SFT2D2: variants seen among roughly 807,000 people sequenced by gnomAD.
The protein encoded by SFT2D2 is vesicle transport protein SFT2B.
Under a neutral mutation model 27.4 loss-of-function variants are expected in SFT2D2, and 21 were observed. That is an observed-to-expected ratio of 0.77 (90% CI 0.54 to 1.10). The LOEUF is 1.10. Ranked by LOEUF, SFT2D2 falls within the 50% of genes least tolerant of loss-of-function variation. The pLI is 0.00. For missense variants in SFT2D2, 187 were observed against 194.2 expected, an observed-to-expected ratio of 0.96 and a Z score of 0.22; for synonymous variants, 72 against 71.7, an observed-to-expected ratio of 1.00 and a Z score of -0.02.
chr1:168,249,520 G>A lies in SFT2D2; in HGVS notation c.*6980G>A, dbSNP rs1647904799. 1 of 152,876 alleles carries A rather than the reference G, an allele frequency of 6.5e-6. No individual in the cohort carries two copies. Among genetic ancestry groups the A allele is most frequent in the African/African-American group, 2.4e-5 (1 of 41,462 alleles). The allele number at this position is 152,876 out of a possible 1,614,324, so 9.5% of individuals were successfully genotyped here. On this transcript the variant is annotated 3_prime_UTR_variant, in exon 8 of 8. Coordinates refer to ENST00000271375, the MANE Select transcript of SFT2D2 (RefSeq NM_199344.3). ...CAAAGTGCTGGGATTACAGGCGTGA[G>A]CCACCATGCCCAGCCCCATGTCCTT...
Position 168,231,602 on chromosome 1 carries a change from T to C in SFT2D2, c.150+2T>C. The stretch of plus-strand genomic sequence containing the variant: ...ATAGGAATTCTCTGCTCACTGCTGG[T>C]AAGATTTCCCTTCCTCCTCTGTCTT... On this transcript the variant is annotated splice_donor_variant, in intron 2 of 7. Coordinates refer to ENST00000271375, the MANE Select transcript of SFT2D2 (RefSeq NM_199344.3). LOFTEE classifies it high-confidence loss of function. The C allele has an allele frequency of 6.2e-7, 1 of 1,613,326 alleles. No individual in the cohort carries two copies. The highest frequency in any genetic ancestry group is 8.5e-7 in the Non-Finnish European group (1 of 1,179,480).
At chr1:168,227,814 T>G (rs1313187929) in intron 1 of SFT2D2, among the ~76,000 whole-genome samples, 1 of 152,202 alleles carries the variant, frequency 6.6e-6, no homozygotes, top group East Asian at 1.9e-4. Flanking sequence ...TGCAGACTCT[T>G]GAGGGGTGGA....
chr1:168,235,692 C>T (rs1472126456), intron 4 of SFT2D2, among the ~76,000 whole-genome samples: 1 of 152,204 alleles, frequency 6.6e-6, no homozygotes, highest in Admixed American at 6.5e-5. Flanking sequence ...CCTGCTCTGA[C>T]AACATTGTCT....
chr1:168,246,346 G>T lies in SFT2D2; in HGVS notation c.*3806G>T. On this transcript the variant is annotated 3_prime_UTR_variant, in exon 8 of 8. Coordinates refer to ENST00000271375, the MANE Select transcript of SFT2D2 (RefSeq NM_199344.3). Reference sequence around the variant, plus strand: ...TGAAGCAACATATTTTGTCTTCGTAGTTGACATAATCTTACTTGCTTTTCT... The same window carrying T: ...TGAAGCAACATATTTTGTCTTCGTATTTGACATAATCTTACTTGCTTTTCT... 2.1e-6 allele frequency: 1 copy of T among 479,900 alleles called. No individual in the cohort carries two copies. 29.7% of individuals were successfully genotyped at this position (479,900 alleles called of 1,614,324 possible). A position where few individuals can be genotyped will look rare whatever the true frequency, so the allele number is the denominator to read the frequency against.
chr1:168,235,051 C>A, intron 3 of SFT2D2, 50 bp from the exon 4 acceptor site: 2 of 1,520,378 alleles, frequency 1.3e-6, no homozygotes, highest in South Asian at 1.1e-5. Flanking sequence ...CTCAGTGTGC[C>A]TAGTGCAGTT....
rs1379838018 is a variant in SFT2D2 at position 168,247,537 on chromosome 1, G to GTGTA, written c.*4999_*5002dup. On this transcript the variant is annotated 3_prime_UTR_variant, in exon 8 of 8. Coordinates refer to ENST00000271375, the MANE Select transcript of SFT2D2 (RefSeq NM_199344.3). ...TTTATGGCTGAATACTATTCCATGG[G>GTGTA]TGTATATATGCCACATTTTCTTTAT... is the stretch of plus-strand genomic sequence containing the variant. The GTGTA allele has an allele frequency of 6.5e-6, 1 of 153,318 alleles. No individual in the cohort carries two copies. Among genetic ancestry groups the GTGTA allele is most frequent in the Non-Finnish European group, 1.5e-5 (1 of 68,956 alleles). 9.5% of individuals were successfully genotyped at this position (153,318 alleles called of 1,614,324 possible).
In SFT2D2 at chr1:168,245,918, A is replaced by G. The variant is rs1177342585; in HGVS notation, c.*3378A>G. On this transcript the variant is annotated 3_prime_UTR_variant, in exon 8 of 8. Coordinates refer to ENST00000271375, the MANE Select transcript of SFT2D2 (RefSeq NM_199344.3). ...TTTGTACGTGGCCTTGCGTCTCCTT[A>G]GTACATTTTATAGTCGCTGTAAGTT... is the stretch of plus-strand genomic sequence containing the variant. The G allele has an allele frequency of 6.3e-6, 1 of 158,324 alleles. No individual in the cohort carries two copies. The highest frequency in any genetic ancestry group is 1.9e-4 in the South Asian group (1 of 5,276). The allele number at this position is 158,324 out of a possible 1,614,324, so 9.8% of individuals were successfully genotyped here.
chr1:168,226,455 G>A (rs1700460126), intron 1 of SFT2D2, among the ~76,000 whole-genome samples: 1 of 152,206 alleles, frequency 6.6e-6, no homozygotes, highest in African/African-American at 2.4e-5. Context: ...CCACCGGCCG[G>A]GGAATGCGCT....
At position 168,239,135 on chromosome 1, in the gene SFT2D2, A is replaced by G. The variant is rs1343573203; in HGVS notation, c.418A>G (p.Ser140Gly). ...ILQSLALTWYSLSFIPFARDA... is the reference protein window; with the variant it reads ...ILQSLALTWYGLSFIPFARDA... ...TTGTTTTGTTTTTCATTATAGGTAC[A>G]GCCTTTCCTTCATACCATTTGCAAG... The change falls in exon 7 of 8, where the codon AGC becomes GGC. Residue 140 changes from serine to glycine, a missense_variant. Physicochemically the swap from Ser to Gly is moderately conservative, Grantham distance 56. Coordinates refer to ENST00000271375, the MANE Select transcript of SFT2D2 (RefSeq NM_199344.3). 1 of 1,607,594 alleles carries G rather than the reference A, an allele frequency of 6.2e-7. No individual in the cohort carries two copies.
At chr1:168,227,907 A>G (rs1700477665) in intron 1 of SFT2D2, among the ~76,000 whole-genome samples, 1 of 152,236 alleles carries the variant, frequency 6.6e-6, no homozygotes, top group African/African-American at 2.4e-5. Flanking sequence ...GTGGACGACT[A>G]GTAAAGTTTG....
rs112523120 is a variant in SFT2D2, at chr1:168,237,928, A to G, written c.413+1158A>G. Reference sequence around the variant, plus strand: ...CTGTTTATATTTTGATTTTTCTTCCAGGGCAGAAATTGGTACCTATATACA... The same window carrying G: ...CTGTTTATATTTTGATTTTTCTTCCGGGGCAGAAATTGGTACCTATATACA... On this transcript the variant is annotated intron_variant, in intron 6 of 7. Coordinates refer to ENST00000271375, the MANE Select transcript of SFT2D2 (RefSeq NM_199344.3). Among the ~76,000 whole-genome samples, 266 of 151,216 alleles carry G rather than the reference A, an allele frequency of 1.8e-3. 1 individual carries two copies. Among genetic ancestry groups the G allele is most frequent in the African/African-American group, 6.1e-3 (250 of 41,122 alleles).
chr1:168,251,911 T>C lies in SFT2D2; in HGVS notation c.*9371T>C, dbSNP rs1289058930. On this transcript the variant is annotated 3_prime_UTR_variant, in exon 8 of 8. Transcript: ENST00000271375. ...AAGTTTGTTGGGAGGTAAAATTGTG[T>C]GACTTTACCTTCTGGTTAATAGTTT... The C allele has an allele frequency of 1.3e-5, 2 of 152,224 alleles. No individual in the cohort carries two copies. Among genetic ancestry groups the C allele is most frequent in the Non-Finnish European group, 2.9e-5 (2 of 68,030 alleles). 9.4% of individuals were successfully genotyped at this position (152,224 alleles called of 1,614,324 possible). A position where few individuals can be genotyped will look rare whatever the true frequency, so the allele number is the denominator to read the frequency against.
Position 168,252,793 on chromosome 1 carries a change from A to G in SFT2D2, c.*10253A>G, listed in dbSNP as rs1184294052. On this transcript the variant is annotated 3_prime_UTR_variant, in exon 8 of 8. Transcript: ENST00000271375. Reference sequence around the variant, plus strand: ...TTTTTGTAATTGTATAAATACTCATAACTAATTTTGAATGCTACTGATTGT... The same window carrying G: ...TTTTTGTAATTGTATAAATACTCATGACTAATTTTGAATGCTACTGATTGT... 1 of 152,210 alleles carries G rather than the reference A, an allele frequency of 6.6e-6. No individual in the cohort carries two copies. Among genetic ancestry groups the G allele is most frequent in the Non-Finnish European group, 1.5e-5 (1 of 68,038 alleles). 9.4% of individuals were successfully genotyped at this position (152,210 alleles called of 1,614,324 possible). A position where few individuals can be genotyped will look rare whatever the true frequency, so the allele number is the denominator to read the frequency against.
At chr1:168,235,344 A>G (rs1647466988) in intron 4 of SFT2D2, among the ~76,000 whole-genome samples, 162 bp downstream of exon 4, 2 of 152,166 alleles carry the variant, frequency 1.3e-5, no homozygotes, top group African/African-American at 4.8e-5. Flanking sequence ...ACTCTAAGTA[A>G]TACTACGATC....
intron 1 of SFT2D2, among the ~76,000 whole-genome samples, chr1:168,229,970 G>C (rs1459995820): frequency 6.6e-6 from 1 of 152,166 alleles, no homozygotes; most frequent in Non-Finnish European, 1.5e-5. Context: ...CTGGGCCCCT[G>C]CTGTCTGTTA....
At position 168,226,031 on chromosome 1, in the gene SFT2D2, C is replaced by T. The variant is rs919126568; in HGVS notation, c.-49C>T. 6.2e-6 allele frequency: 9 copies of T among 1,461,434 alleles called. No individual in the cohort carries two copies. The African/African-American group carries it at 1.0e-4, about 17-fold the overall frequency. The allele number at this position is 1,461,434 out of a possible 1,614,324, so 90.5% of individuals were successfully genotyped here. A position where few individuals can be genotyped will look rare whatever the true frequency, so the allele number is the denominator to read the frequency against. On this transcript the variant is annotated 5_prime_UTR_variant, in exon 1 of 8. Coordinates refer to ENST00000271375, the MANE Select transcript of SFT2D2 (RefSeq NM_199344.3). ...CCGGAAGAGCCGTCAACTTAGCGAG[C>T]GCAACAGGCTGCCGCTGAGGAGCTG... is the stretch of plus-strand genomic sequence containing the variant.
intron 6 of SFT2D2, among the ~76,000 whole-genome samples, chr1:168,238,361 A>G (rs1277580632): frequency 6.6e-6 from 1 of 152,148 alleles, no homozygotes; most frequent in African/African-American, 2.4e-5. Context: ...ATAAAATGTT[A>G]GGAGTTCAAC....
chr1:168,226,229 C>T, intron 1 of SFT2D2, 87 bp downstream of exon 1: 1 of 1,244,388 alleles, frequency 8.0e-7, no homozygotes. Context: ...GCGGGGACTC[C>T]CTGGAGTTTC....
intron 7 of SFT2D2, among the ~76,000 whole-genome samples, chr1:168,239,457 GTT>G (rs34187475): frequency 0.078 from 10,029 of 129,322 alleles, 307 homozygotes; most frequent in Middle Eastern, 0.17. Flanking sequence ...TTTGAGTAGG[GTT>G]TTTTTTTTTT....
Sources: allele counts gnomAD v4.1 joint callset (sites outside exome capture counted in the v4.1 genomes callset), GRCh38; gene constraint gnomAD v4.1.1; transcripts MANE v1.5; gene names NCBI Gene and HGNC (gene_info 2026-07-23, HGNC 2026-07-21).